Variants in C12orf54 observed in about 807,000 individuals in gnomAD.
C12orf54 encodes the protein chromosome 12 open reading frame 54.
In C12orf54, 24 loss-of-function variants were observed where a neutral mutation model predicts 26.4. The ratio of observed to expected loss-of-function variants is 0.91; its 90% CI spans 0.66 to 1.28. The LOEUF is 1.28. C12orf54 is among the 50% of genes most tolerant of loss of function. C12orf54 has a pLI of 0.00. For missense variants in C12orf54, 154 were observed against 150.9 expected (o/e 1.02, Z -0.11); for synonymous variants, 54 against 47.0 (o/e 1.15, Z -0.61).
the C12orf54 span, among the ~76,000 whole-genome samples, chr12:48,476,720 A>T: frequency 3.7e-5 from 5 of 133,450 alleles, no homozygotes; most frequent in Admixed American, 2.8e-4. Context: ...TATGCACCCA[A>T]TACAGGAGCA....
the C12orf54 span, among the ~76,000 whole-genome samples, chr12:48,415,416 A>C: frequency 2.0e-5 from 3 of 152,152 alleles, no homozygotes; most frequent in Admixed American, 2.0e-4. Flanking sequence ...CAATATTGCC[A>C]ACTACTTTTA....
At chr12:48,453,883 AAAG>A in the C12orf54 span, among the ~76,000 whole-genome samples, 1 of 152,006 alleles carries the variant, frequency 6.6e-6, no homozygotes, top group Admixed American at 6.5e-5. Context: ...TTGAGAAAAC[AAAG>A]AAGGTGATAT....
intron 4 of C12orf54, 31 bp downstream of exon 4, chr12:48,486,757 T>C: frequency 2.5e-6 from 4 of 1,598,688 alleles, no homozygotes; most frequent in Non-Finnish European, 3.4e-6. Context: ...TTTGACAGCA[T>C]GGCATGAGGT....
chr12:48,474,568 T>TA, the C12orf54 span, among the ~76,000 whole-genome samples: 53 of 152,136 alleles, frequency 3.5e-4, no homozygotes, highest in African/African-American at 1.2e-3. Context: ...CCAATGGGCT[T>TA]AAAAAAAGCA....
At chr12:48,427,679 T>C in the C12orf54 span, among the ~76,000 whole-genome samples, 13 of 152,042 alleles carry the variant, frequency 8.6e-5, no homozygotes, top group East Asian at 7.7e-4. Context: ...TATAAAATAA[T>C]TACTACTAGA....
the C12orf54 span, among the ~76,000 whole-genome samples, chr12:48,435,778 C>A: frequency 6.6e-6 from 1 of 152,192 alleles, no homozygotes; most frequent in African/African-American, 2.4e-5. Flanking sequence ...TGGAAAGGAA[C>A]AACCAGTACC....
At chr12:48,435,368 C>A in the C12orf54 span, among the ~76,000 whole-genome samples, 2 of 152,216 alleles carry the variant, frequency 1.3e-5, no homozygotes, top group Non-Finnish European at 2.9e-5. Flanking sequence ...CTTCCCCAAT[C>A]TAGCAAGGCA....
chr12:48,480,013 T>C (rs747742223), upstream of C12orf54, among the ~76,000 whole-genome samples: 5 of 151,990 alleles, frequency 3.3e-5, no homozygotes, highest in Non-Finnish European at 7.4e-5. Flanking sequence ...TTTATATATA[T>C]ATATAATGTA....
chr12:48,425,539 T>A, the C12orf54 span, among the ~76,000 whole-genome samples: 1 of 152,074 alleles, frequency 6.6e-6, no homozygotes, highest in African/African-American at 2.4e-5. Flanking sequence ...AATGAACATA[T>A]GTGTGCATGT....
At chr12:48,486,318 G>A (rs925002713) in intron 3 of C12orf54, 110 bp downstream of exon 3, 3 of 1,147,212 alleles carry the variant, frequency 2.6e-6, no homozygotes, top group Non-Finnish European at 3.8e-6. Context: ...TACCTGACAA[G>A]GGACAGGGTG....
the C12orf54 span, among the ~76,000 whole-genome samples, chr12:48,458,492 C>A: frequency 1.3e-5 from 2 of 152,206 alleles, no homozygotes; most frequent in African/African-American, 2.4e-5. Context: ...ACCTCCATAC[C>A]TGATTCATAT....
the C12orf54 span, among the ~76,000 whole-genome samples, chr12:48,433,468 G>C: frequency 3.6e-5 from 5 of 140,086 alleles, no homozygotes; most frequent in African/African-American, 5.4e-5. Flanking sequence ...GGGGGGGGGG[G>C]GCAGGATCTT....
the C12orf54 span, among the ~76,000 whole-genome samples, chr12:48,425,540 G>A: frequency 6.6e-5 from 10 of 152,136 alleles, no homozygotes; most frequent in South Asian, 2.1e-3. Context: ...ATGAACATAT[G>A]TGTGCATGTG....
At chr12:48,463,096 A>G in the C12orf54 span, among the ~76,000 whole-genome samples, 1 of 152,120 alleles carries the variant, frequency 6.6e-6, no homozygotes, top group Non-Finnish European at 1.5e-5. Flanking sequence ...AATACTAGGA[A>G]CAACCGAAAC....
Position 48,485,357 on chromosome 12 carries a change from A to G in C12orf54, c.66-821A>G, listed in dbSNP as rs565868665. 4.6e-5 allele frequency among the ~76,000 whole-genome samples: 7 copies of G among 152,302 alleles called. No homozygotes were observed. In the South Asian group the frequency reaches 1.5e-3, roughly 32 times the overall value. ...GTTGCCCAAGCTGGTCTTGAACTAC[A>G]GTGTCATCTAGAGCCCAGTTTTCTC... On this transcript the variant is annotated intron_variant, in intron 2 of 8. Transcript: ENST00000548364.
chr12:48,439,122 A>T, the C12orf54 span, among the ~76,000 whole-genome samples: 1 of 152,216 alleles, frequency 6.6e-6, no homozygotes, highest in African/African-American at 2.4e-5. Context: ...GAAGACATTT[A>T]TGCAGCCAAA....
chr12:48,420,865 G>T, the C12orf54 span, among the ~76,000 whole-genome samples: 3 of 152,148 alleles, frequency 2.0e-5, no homozygotes, highest in South Asian at 6.2e-4. Context: ...GATATGTCTG[G>T]TGCCACATTT....
chr12:48,479,419 T>A (rs1186425397), upstream of C12orf54, among the ~76,000 whole-genome samples: 2 of 151,954 alleles, frequency 1.3e-5, no homozygotes, highest in East Asian at 1.9e-4. Flanking sequence ...GCTAAATGAC[T>A]AGTTAATGGG....
At chr12:48,495,166 G>C (rs539673989) in intron 8 of C12orf54, among the ~76,000 whole-genome samples, 187 bp downstream of exon 8, 1 of 152,056 alleles carries the variant, frequency 6.6e-6, no homozygotes, top group Non-Finnish European at 1.5e-5. Flanking sequence ...AGGTTCTTTT[G>C]GTCTCTGTGG....
Sources: allele counts gnomAD v4.1 joint callset (sites outside exome capture counted in the v4.1 genomes callset), GRCh38; gene constraint gnomAD v4.1.1; transcripts MANE v1.5; gene names NCBI Gene and HGNC (gene_info 2026-07-23, HGNC 2026-07-21).